The following MRNIP variants were observed in gnomAD, a reference collection of about 807,000 sequenced individuals.
MRNIP encodes the protein MRN complex-interacting protein.
In MRNIP, 30 loss-of-function variants were observed where a neutral mutation model predicts 29.8. The observed-to-expected ratio is 1.01, with a 90% confidence interval of 0.75 to 1.36. The LOEUF (loss-of-function observed/expected upper bound fraction) is 1.36. MRNIP is among the 40% of genes most tolerant of loss of function. MRNIP has a pLI of 0.00. For missense variants in MRNIP, 459 were observed against 423.5 expected (o/e 1.08, Z -0.74); for synonymous variants, 201 against 164.1 (o/e 1.23, Z -1.72).
intron 1 of MRNIP, among the ~76,000 whole-genome samples, chr5:179,855,551 T>C (rs1289436108): frequency 6.6e-6 from 1 of 152,188 alleles, no homozygotes; most frequent in African/African-American, 2.4e-5. Context: ...TAATATAGCT[T>C]TTATATGAGC....
rs2303676 is a variant in MRNIP, at chr5:179,842,075, G to T, written c.292-11C>A. Reference sequence around the variant, plus strand: ...GGGCTGCGATTTTTCCTGCCAGATTGAGAAAAAAGTTGATTCTCAGTACTG... The same window carrying T: ...GGGCTGCGATTTTTCCTGCCAGATTTAGAAAAAAGTTGATTCTCAGTACTG... On this transcript the variant is annotated splice_polypyrimidine_tract_variant and intron_variant, in intron 4 of 6. Coordinates refer to ENST00000292586, the MANE Select transcript of MRNIP (RefSeq NM_016175.4). 0.097 allele frequency: 156,043 copies of T among 1,610,406 alleles called. 11,428 individuals carry two copies. Among genetic ancestry groups the T allele is most frequent in the South Asian group, 0.26 (23,929 of 90,542 alleles).
intron 6 of MRNIP, chr5:179,839,268 C>A (rs248246): frequency 0.06 from 8,538 of 142,688 alleles, 304 homozygotes; most frequent in Middle Eastern, 0.13. Context: ...AAAAAAAAAA[C>A]AACAGTTGGG....
rs1351358184 is a variant in MRNIP, at chr5:179,856,327, AT to A, written c.66+2403del. Among the ~76,000 whole-genome samples, 4 of 152,296 alleles carry A rather than the reference AT, an allele frequency of 2.6e-5. No individual in the cohort carries two copies. The East Asian group carries it at 7.7e-4, about 29-fold the overall frequency. ...TGGAGAAACCACTTGATTCCCGTGT[AT>A]TTCGGAATTCTCATGTCTCTAAGAT... On this transcript the variant is annotated intron_variant, in intron 1 of 6. Transcript: ENST00000292586.
chr5:179,840,979 AGTAGTCCC>A lies in MRNIP; in HGVS notation c.450-28_450-21del. ...CACTTCCTGTCAGGACAGGACCGTC[AGTAGTCCC>A]GTGCTACTCTCCAGTGGCACCCCGA... On this transcript the variant is annotated intron_variant, in intron 5 of 6. Transcript: ENST00000292586. The A allele has an allele frequency of 6.4e-7, 1 of 1,560,142 alleles. No individual in the cohort carries two copies. Among genetic ancestry groups the A allele is most frequent in the Non-Finnish European group, 8.7e-7 (1 of 1,144,186 alleles).
In MRNIP at chr5:179,858,751, G is replaced by A. The variant is rs1277293490; in HGVS notation, c.46C>T (p.Arg16Cys). 13 of 1,532,938 alleles carry A rather than the reference G, an allele frequency of 8.5e-6. No homozygotes were observed. Among genetic ancestry groups the A allele is most frequent in the African/African-American group, 1.4e-5 (1 of 72,588 alleles). The allele number at this position is 1,532,938 out of a possible 1,614,324, so 95.0% of individuals were successfully genotyped here. A position where few individuals can be genotyped will look rare whatever the true frequency, so the allele number is the denominator to read the frequency against. Residue 16 changes from arginine to cysteine, a missense_variant, in exon 1 of 7, where the codon CGC becomes TGC. By Grantham distance (180) the Arg-to-Cys change is radical (BLOSUM62 -3). Transcript: ENST00000292586. ...RSRVLRCCSC[R>C]LFQAHQVKKS... is the part of the protein sequence containing the mutation. ...CAGACCTGGTGCGCCTGGAAGAGGC[G>A]GCAGCTGCAGCAGCGTAGCACCCGA... is the stretch of plus-strand genomic sequence containing the variant.
intron 4 of MRNIP, among the ~76,000 whole-genome samples, chr5:179,842,382 T>C (rs575238636): frequency 2.6e-5 from 4 of 151,786 alleles, no homozygotes; most frequent in Non-Finnish European, 2.9e-5. Context: ...GCAAATTTCA[T>C]TTATAAGAAC....
At chr5:179,844,251 C>T in intron 3 of MRNIP, 24 bp from the exon 4 acceptor site, 1 of 1,602,586 alleles carries the variant, frequency 6.2e-7, no homozygotes, top group Non-Finnish European at 8.5e-7. Context: ...CATACATATG[C>T]CCTTTGAAAA....
intron 4 of MRNIP, among the ~76,000 whole-genome samples, chr5:179,842,725 A>AG (rs1758943667): frequency 1.7e-5 from 2 of 118,646 alleles, no homozygotes; most frequent in South Asian, 5.6e-4. Context: ...AAAAAAAAAA[A>AG]AAAAAGAACA....
chr5:179,856,375 G>A (rs535568918), intron 1 of MRNIP, among the ~76,000 whole-genome samples: 1 of 152,136 alleles, frequency 6.6e-6, no homozygotes, highest in Non-Finnish European at 1.5e-5. Context: ...CTAAGTCAAA[G>A]GTTGTTGAAG....
chr5:179,842,560 C>T (rs1033568281), intron 4 of MRNIP, among the ~76,000 whole-genome samples: 21 of 150,308 alleles, frequency 1.4e-4, no homozygotes, highest in African/African-American at 3.7e-4. Flanking sequence ...ATTAGCCGGG[C>T]GTGATGGCAG....
chr5:179,837,878 G>C lies in MRNIP; in HGVS notation c.545C>G (p.Ala182Gly). 6.2e-7 allele frequency: 1 copy of C among 1,604,176 alleles called. No homozygotes were observed. The highest frequency in any genetic ancestry group is 8.5e-7 in the Non-Finnish European group (1 of 1,178,870). ...TTGTTTCACCTTCCATGTCAGGCCAGCCTGTCCCTGAAAGAGAAGATGGCC... is the reference window on the plus strand; with the variant it reads ...TTGTTTCACCTTCCATGTCAGGCCACCCTGTCCCTGAAAGAGAAGATGGCC... Reference protein sequence around the residue: ...EVAWGPQKGQAGLTWKVKQGS... With the variant: ...EVAWGPQKGQGGLTWKVKQGS... Residue 182 changes from alanine (A) to glycine (G), a missense_variant, in exon 7 of 7, where the codon GCT (alanine) becomes GGT (glycine). Coordinates refer to ENST00000292586, the MANE Select transcript of MRNIP (RefSeq NM_016175.4).
Position 179,841,992 on chromosome 5 carries a change from C to T in MRNIP, c.364G>A (p.Gly122Arg). ...TGTTTGCTGAAACACACTCCTGTTC[C>T]TTCCAGCTCCAGTTCTTGGGAGTCC... is the stretch of plus-strand genomic sequence containing the variant. ...EKDSQELELE[G>R]TGVCFSKQPS... Residue 122 changes from glycine (G) to arginine (R), a missense_variant, in exon 5 of 7, where the codon GGA (glycine) becomes AGA (arginine). By Grantham distance (125) the Gly-to-Arg change is moderately radical (BLOSUM62 -2). Coordinates refer to ENST00000292586, the MANE Select transcript of MRNIP (RefSeq NM_016175.4). The T allele has an allele frequency of 1.2e-6, 2 of 1,614,170 alleles. No homozygotes were observed. Among genetic ancestry groups the T allele is most frequent in the South Asian group, 2.2e-5 (2 of 91,080 alleles).
intron 6 of MRNIP, chr5:179,840,481 A>C (rs915384990): frequency 2.8e-6 from 1 of 356,380 alleles, no homozygotes; most frequent in Non-Finnish European, 5.1e-6. Context: ...CAGCAGGGCA[A>C]ATGCGAGTGT....
In MRNIP at chr5:179,841,603, C is replaced by T. The variant is rs1758880544; in HGVS notation, c.449+304G>A. The T allele has an allele frequency of 2.4e-5, 8 of 333,492 alleles. No homozygotes were observed. The East Asian group carries it at 4.4e-4, about 18-fold the overall frequency. The allele number at this position is 333,492 out of a possible 1,614,324, so 20.7% of individuals were successfully genotyped here. A position where few individuals can be genotyped will look rare whatever the true frequency, so the allele number is the denominator to read the frequency against. On this transcript the variant is annotated intron_variant, in intron 5 of 6. Coordinates refer to ENST00000292586, the MANE Select transcript of MRNIP (RefSeq NM_016175.4). ...CTTCTCTGAGCTAAAAGCTCTTAGG[C>T]CTGCCAGCTACTCCGACCTCTCCCC...
intron 4 of MRNIP, among the ~76,000 whole-genome samples, chr5:179,842,815 C>T (rs1051122136): frequency 6.6e-6 from 1 of 150,548 alleles, no homozygotes; most frequent in African/African-American, 2.5e-5. Flanking sequence ...GGCGGGTCAC[C>T]TGAGCTCAGG....
At chr5:179,856,365 C>G (rs1759580647) in intron 1 of MRNIP, among the ~76,000 whole-genome samples, 1 of 152,142 alleles carries the variant, frequency 6.6e-6, no homozygotes, top group Admixed American at 6.5e-5. Flanking sequence ...GGAATGATGC[C>G]TAAGTCAAAG....
intron 6 of MRNIP, chr5:179,838,960 A>C (rs562400709): frequency 6.6e-6 from 1 of 151,350 alleles, no homozygotes; most frequent in Non-Finnish European, 1.5e-5. Context: ...CCCCATCTCA[A>C]AAACAAAAGG....
At chr5:179,850,491 T>C in intron 2 of MRNIP, among the ~76,000 whole-genome samples, 1 of 152,202 alleles carries the variant, frequency 6.6e-6, no homozygotes, top group East Asian at 1.9e-4. Context: ...GAGCACAGAA[T>C]TCTGGTGGAC....
In MRNIP at chr5:179,853,373, C is replaced by T; in HGVS notation, c.126+5G>A. Reference sequence around the variant, plus strand: ...CCCACTTGCTTTCTGTTTTGTAGGACTCACCTGCAAAAAGGACTGCTTCTC... The same window carrying T: ...CCCACTTGCTTTCTGTTTTGTAGGATTCACCTGCAAAAAGGACTGCTTCTC... On this transcript the variant is annotated splice_donor_5th_base_variant and intron_variant, in intron 2 of 6. Coordinates refer to ENST00000292586, the MANE Select transcript of MRNIP (RefSeq NM_016175.4). 1 of 1,612,464 alleles carries T rather than the reference C, an allele frequency of 6.2e-7. No homozygotes were observed. The highest frequency in any genetic ancestry group is 8.5e-7 in the Non-Finnish European group (1 of 1,179,028).
Sources: gnomAD v4.1 joint callset for allele counts (sites outside exome capture counted in the v4.1 genomes callset) on GRCh38, gnomAD v4.1.1 for gene constraint, MANE v1.5 for transcripts, NCBI Gene and HGNC (gene_info 2026-07-23, HGNC 2026-07-21) for gene names.